Variants in AFF2 observed in about 807,000 individuals in gnomAD.
The protein encoded by AFF2 is AF4/FMR2 family member 2.
Under a neutral mutation model 76.9 loss-of-function variants are expected in AFF2, and 14 were observed. That is an observed-to-expected ratio of 0.18 (90% CI 0.12 to 0.28). The LOEUF (loss-of-function observed/expected upper bound fraction) is 0.28, where lower values mean the gene tolerates loss of function less well. Ranked by LOEUF, AFF2 falls within the 10% of genes least tolerant of loss-of-function variation. The pLI is 1.00. For missense variants in AFF2, 868 were observed against 1,001.1 expected (o/e 0.87, Z 1.79); for synonymous variants, 398 against 366.7 (o/e 1.09, Z -0.98).
intron 1 of AFF2, among the ~76,000 whole-genome samples, chrX:148,603,884 C>T (rs1603255593): frequency 9.1e-6 from 1 of 110,276 alleles, no homozygotes; most frequent in African/African-American, 3.3e-5. Context: ...TCTTCAATGT[C>T]TCTTATTAAA....
intron 3 of AFF2, among the ~76,000 whole-genome samples, chrX:148,688,503 G>C (rs2054619977): frequency 9.0e-6 from 1 of 111,143 alleles, no homozygotes; most frequent in Non-Finnish European, 1.9e-5. Flanking sequence ...TTGATTGCCT[G>C]TTTACATATG....
At chrX:148,759,684 T>A (rs1318344705) in intron 3 of AFF2, among the ~76,000 whole-genome samples, 1 of 112,212 alleles carries the variant, frequency 8.9e-6, no homozygotes, top group Non-Finnish European at 1.9e-5. Context: ...TTTTTCATTA[T>A]GTTTTGAGGA....
intron 9 of AFF2, among the ~76,000 whole-genome samples, chrX:148,911,538 C>T (rs2071468836): frequency 8.9e-6 from 1 of 111,761 alleles, no homozygotes; most frequent in African/African-American, 3.3e-5. Context: ...TATCCCTTCC[C>T]TGGAGCATCA....
At chrX:148,688,628 AAT>A (rs2054621592) in intron 3 of AFF2, among the ~76,000 whole-genome samples, 1 of 111,345 alleles carries the variant, frequency 9.0e-6, no homozygotes. Context: ...GGGCCTAATA[AAT>A]ATAGTCATGA....
chrX:148,773,717 A>AGAAAGAAAGAAAGAAAGAAAGAAAGAAG (rs1569555324), intron 3 of AFF2, among the ~76,000 whole-genome samples: 45 of 100,738 alleles, frequency 4.5e-4, no homozygotes, highest in Middle Eastern at 4.8e-3. Flanking sequence ...AAAGAAAGAA[A>AGAAAGAAAGAAAGAAAGAAAGAAAGAAG]GAAAGAAAGA....
chrX:148,581,598 G>A (rs1340187231), intron 1 of AFF2, among the ~76,000 whole-genome samples: 4 of 103,364 alleles, frequency 3.9e-5, no homozygotes, highest in Admixed American at 1.0e-4. Flanking sequence ...ACATATATAC[G>A]TATACGTGTA....
intron 1 of AFF2, among the ~76,000 whole-genome samples, chrX:148,532,904 T>G (rs1215842969): frequency 8.9e-6 from 1 of 112,029 alleles, no homozygotes; most frequent in African/African-American, 3.2e-5. Flanking sequence ...AACAGTGTCT[T>G]CATACTTTAT....
At chrX:148,978,147 GT>G in intron 17 of AFF2, 143 bp downstream of exon 17, 1 of 509,943 alleles carries the variant, frequency 2.0e-6, no homozygotes, top group Non-Finnish European at 3.4e-6. Flanking sequence ...GATTTCTTCA[GT>G]CACTGACTAA....
At chrX:148,773,909 A>G (rs782258131) in intron 3 of AFF2, among the ~76,000 whole-genome samples, 1 of 111,270 alleles carries the variant, frequency 9.0e-6, no homozygotes, top group Non-Finnish European at 1.9e-5. Context: ...TCATTTTGCA[A>G]AATGTCAGAA....
intron 1 of AFF2, among the ~76,000 whole-genome samples, chrX:148,581,652 A>ATACGTATACGTGTACACACATATATACG (rs1569551699): frequency 0.012 from 656 of 56,493 alleles, 152 homozygotes; most frequent in Non-Finnish European, 0.016. Context: ...ACATATATAC[A>ATACGTATACGTGTACACACATATATACG]TATACGTATA....
intron 3 of AFF2, among the ~76,000 whole-genome samples, chrX:148,680,581 A>G (rs1434699966): frequency 8.9e-6 from 1 of 112,209 alleles, no homozygotes; most frequent in Non-Finnish European, 1.9e-5. Flanking sequence ...TCAAGCACTT[A>G]TCATATGCAG....
chrX:148,875,904 T>G (rs2071030750), intron 7 of AFF2, among the ~76,000 whole-genome samples: 1 of 111,683 alleles, frequency 9.0e-6, no homozygotes. Flanking sequence ...GATATATAGT[T>G]CAGTTGCATT....
chrX:148,933,474 G>C (rs1225015685), intron 9 of AFF2, among the ~76,000 whole-genome samples: 1 of 111,628 alleles, frequency 9.0e-6, no homozygotes, highest in African/African-American at 3.3e-5. Context: ...AAGGGAGCAG[G>C]GGTAGAAACA....
In AFF2 at chrX:148,955,743, G is replaced by A. The variant is rs782208406; in HGVS notation, c.1698G>A (p.Met566Ile). 8.3e-7 allele frequency: 1 copy of A among 1,211,683 alleles called. No homozygotes were observed. The highest frequency in any genetic ancestry group is 2.3e-4 in the Middle Eastern group (1 of 4,355). Residue 566 changes from methionine to isoleucine, a missense_variant, in exon 11 of 21, where the codon ATG (methionine) becomes ATA (isoleucine). By Grantham distance (10) the Met-to-Ile change is conservative. Coordinates refer to ENST00000370460, the MANE Select transcript of AFF2 (RefSeq NM_002025.4). ...TGCCTCCTCCAATCATCCAACCAAT[G>A]GAAGTCCAGATGAAAGTGAAGACGA... is the stretch of plus-strand genomic sequence containing the variant. ...ISLPPPIIQP[M>I]EVQMKVKTNA...
intron 1 of AFF2, among the ~76,000 whole-genome samples, chrX:148,509,990 T>C (rs2052465452): frequency 9.0e-6 from 1 of 111,620 alleles, no homozygotes; most frequent in Non-Finnish European, 1.9e-5. Context: ...CAGATGCCTC[T>C]CCTCTGTGCT....
chrX:148,718,494 G>A (rs116115217), intron 3 of AFF2, among the ~76,000 whole-genome samples: 2,058 of 111,115 alleles, frequency 0.019, 48 homozygotes, highest in African/African-American at 0.063. Flanking sequence ...CAGAGCTGCA[G>A]GTTCTTTATC....
At chrX:148,923,212 T>G (rs189167749) in intron 9 of AFF2, among the ~76,000 whole-genome samples, 83 of 111,720 alleles carry the variant, frequency 7.4e-4, no homozygotes, top group Admixed American at 2.8e-3. Flanking sequence ...CCAAAAACTA[T>G]AGAGAGCTTA....
chrX:148,545,890 T>C (rs1350648903), intron 1 of AFF2, among the ~76,000 whole-genome samples: 1 of 111,713 alleles, frequency 9.0e-6, no homozygotes, highest in Non-Finnish European at 1.9e-5. Flanking sequence ...TGCTGCGTGA[T>C]TAATGTGTTG....
chrX:148,581,808 A>G (rs945788743), intron 1 of AFF2, among the ~76,000 whole-genome samples: 1 of 112,365 alleles, frequency 8.9e-6, no homozygotes, highest in African/African-American at 3.2e-5. Context: ...TAAGCACAGC[A>G]TATTGATCAA....
Sources: gnomAD v4.1 joint callset for allele counts (sites outside exome capture counted in the v4.1 genomes callset) on GRCh38, gnomAD v4.1.1 for gene constraint, MANE v1.5 for transcripts, NCBI Gene and HGNC (gene_info 2026-07-23, HGNC 2026-07-21) for gene names.